The following SLC1A1 variants were observed in gnomAD, a reference collection of about 807,000 sequenced individuals.
SLC1A1 encodes excitatory amino acid transporter 3.
In SLC1A1, 43 loss-of-function variants were observed where a neutral mutation model predicts 53.3. That is an observed-to-expected ratio of 0.81 (90% CI 0.63 to 1.04). The LOEUF (loss-of-function observed/expected upper bound fraction) is 1.04, where lower values mean the gene tolerates loss of function less well. Among genes scored for constraint, SLC1A1 ranks in the 50% least tolerant of loss-of-function variants. SLC1A1 has a pLI of 0.00. For synonymous variants in SLC1A1, 307 were observed against 243.2 expected (o/e 1.26, Z -2.44); for missense variants, 748 against 664.9 (o/e 1.12, Z -1.37).
At chr9:4,511,311 T>C (rs1820990449) in intron 1 of SLC1A1, among the ~76,000 whole-genome samples, 1 of 152,162 alleles carries the variant, frequency 6.6e-6, no homozygotes, top group Non-Finnish European at 1.5e-5. Context: ...GGCTCATGAA[T>C]GATGCCTTCT....
rs1564049760 is a variant in SLC1A1, at chr9:4,566,705, AAT to A, written c.483+620_483+621del. 7.7e-4 allele frequency among the ~76,000 whole-genome samples: 118 copies of A among 152,316 alleles called. 1 individual carries two copies. The East Asian group carries it at 0.016, about 20-fold the overall frequency. ...TCTAAAAAGAAATAATTTAAAAAAAAATATAAAAAATCGTTGTATCCCCATTG... is the reference window on the plus strand; with the variant it reads ...TCTAAAAAGAAATAATTTAAAAAAAAATAAAAAATCGTTGTATCCCCATTG... On this transcript the variant is annotated intron_variant, in intron 5 of 11. Transcript: ENST00000262352.
intron 2 of SLC1A1, among the ~76,000 whole-genome samples, chr9:4,551,967 A>C (rs1031800694): frequency 5.9e-5 from 9 of 152,250 alleles, no homozygotes; most frequent in Admixed American, 5.9e-4. Flanking sequence ...TGCAAGTAAT[A>C]AAATGAATAG....
At chr9:4,499,569 T>TTG (rs1820565429) in intron 1 of SLC1A1, among the ~76,000 whole-genome samples, 1 of 117,396 alleles carries the variant, frequency 8.5e-6, no homozygotes, top group Non-Finnish European at 1.8e-5. Flanking sequence ...TATATATGAC[T>TTG]CAAGTCTATC....
At chr9:4,535,761 AGC>A (rs1178227223) in intron 1 of SLC1A1, among the ~76,000 whole-genome samples, 1 of 152,144 alleles carries the variant, frequency 6.6e-6, no homozygotes, top group Admixed American at 6.5e-5. Flanking sequence ...GTCAATCCTA[AGC>A]CAAAAGAACA....
At chr9:4,501,487 C>T (rs1349034187) in intron 1 of SLC1A1, among the ~76,000 whole-genome samples, 2 of 151,540 alleles carry the variant, frequency 1.3e-5, no homozygotes, top group Non-Finnish European at 2.9e-5. Context: ...GCACTTTGGC[C>T]AGGTACGGTG....
intron 1 of SLC1A1, among the ~76,000 whole-genome samples, chr9:4,498,047 G>A (rs1352127498): frequency 6.6e-6 from 1 of 152,192 alleles, no homozygotes; most frequent in Non-Finnish European, 1.5e-5. Flanking sequence ...TGGTATGCGT[G>A]CTGAGTAATT....
intron 1 of SLC1A1, among the ~76,000 whole-genome samples, chr9:4,514,726 G>C (rs550427781): frequency 6.6e-6 from 1 of 152,246 alleles, no homozygotes; most frequent in East Asian, 1.9e-4. Flanking sequence ...CTTTAAGCTG[G>C]AGAGTGACTC....
At chr9:4,578,947 C>G (rs1308949437) in intron 10 of SLC1A1, among the ~76,000 whole-genome samples, 1 of 152,182 alleles carries the variant, frequency 6.6e-6, no homozygotes, top group Admixed American at 6.5e-5. Context: ...TGAATCTGAA[C>G]TTTTTAGAGT....
intron 1 of SLC1A1, among the ~76,000 whole-genome samples, chr9:4,533,472 A>T (rs1349781787): frequency 1.3e-5 from 2 of 152,192 alleles, no homozygotes; most frequent in Admixed American, 1.3e-4. Context: ...AAAGAAGGCC[A>T]TTACATAATG....
rs550158818 is a variant in SLC1A1, at chr9:4,583,093, G to C, written c.1249G>C (p.Val417Leu). 1 of 1,614,244 alleles carries C rather than the reference G, an allele frequency of 6.2e-7. No homozygotes were observed. Among genetic ancestry groups the C allele is most frequent in the Non-Finnish European group, 8.5e-7 (1 of 1,180,042 alleles). Residue 417 changes from valine to leucine, a missense_variant, in exon 11 of 12, where the codon GTG becomes CTG. Transcript: ENST00000262352. The surrounding 1 kb of genome is among the most constrained non-coding windows in gnomAD (Gnocchi z 4.6). ...GAAGVPQAGL[V>L]TMVIVLSAVG... ...TGCTGGCGTGCCCCAGGCTGGCCTG[G>C]TGACCATGGTGATTGTGCTGAGTGC...
rs1586819297 is a variant in SLC1A1, at chr9:4,567,872, A to G, written c.582+105A>G. The G allele has an allele frequency of 2.4e-5, 19 of 798,710 alleles. No homozygotes were observed. In the East Asian group the frequency reaches 5.0e-4, roughly 21 times the overall value. The allele number at this position is 798,710 out of a possible 1,614,324, so 49.5% of individuals were successfully genotyped here. Reference sequence around the variant, plus strand: ...CGTCATTCACAGAATCGCATTTGCAAATTCACCTACTTGCTAAAATTTATG... The same window carrying G: ...CGTCATTCACAGAATCGCATTTGCAGATTCACCTACTTGCTAAAATTTATG... On this transcript the variant is annotated intron_variant, in intron 6 of 11. Transcript: ENST00000262352.
chr9:4,532,749 C>G (rs201733948), intron 1 of SLC1A1, among the ~76,000 whole-genome samples: 1 of 152,022 alleles, frequency 6.6e-6, no homozygotes, highest in African/African-American at 2.4e-5. Flanking sequence ...GCAACTCCAA[C>G]ACACATAATT....
intron 1 of SLC1A1, among the ~76,000 whole-genome samples, chr9:4,532,292 G>T (rs1158732801): frequency 2.0e-5 from 3 of 152,046 alleles, no homozygotes; most frequent in African/African-American, 2.4e-5. Flanking sequence ...CGAACCCAAG[G>T]CTAAGAAGTT....
At chr9:4,537,931 C>CA (rs1040300443) in intron 1 of SLC1A1, among the ~76,000 whole-genome samples, 18 of 149,680 alleles carry the variant, frequency 1.2e-4, no homozygotes, top group African/African-American at 2.0e-4. Flanking sequence ...AATTTGATCT[C>CA]AAAAAAAATT....
Position 4,576,021 on chromosome 9 carries a change from T to C in SLC1A1, c.896T>C (p.Val299Ala), listed in dbSNP as rs1408898980. The C allele has an allele frequency of 1.2e-6, 2 of 1,614,108 alleles. No homozygotes were observed. The highest frequency in any genetic ancestry group is 2.2e-5 in the East Asian group (1 of 44,884). ...VLTGLAIHSIVILPLIYFIVV... is the reference protein window; with the variant it reads ...VLTGLAIHSIAILPLIYFIVV... Reference sequence around the variant, plus strand: ...TACAGGCTTGCAATCCACTCCATTGTAATTCTCCCGCTGATATATTTCATA... The same window carrying C: ...TACAGGCTTGCAATCCACTCCATTGCAATTCTCCCGCTGATATATTTCATA... The change falls in exon 9 of 12, where the codon GTA becomes GCA. Residue 299 changes from valine (V) to alanine (A), a missense_variant. By Grantham distance (64) the Val-to-Ala change is moderately conservative (BLOSUM62 0). Coordinates refer to ENST00000262352, the MANE Select transcript of SLC1A1 (RefSeq NM_004170.6).
Position 4,562,210 on chromosome 9 carries a change from T to C in SLC1A1, c.325+669T>C, listed in dbSNP as rs1347612049. 2.0e-5 allele frequency among the ~76,000 whole-genome samples: 3 copies of C among 151,888 alleles called. No individual in the cohort carries two copies. The East Asian group carries it at 5.8e-4, about 29-fold the overall frequency. ...CCTCAGCCTCCCGAGTAGCTGGGAT[T>C]ACAGGTGCACACCACCATGCCCAGC... On this transcript the variant is annotated intron_variant, in intron 3 of 11. Coordinates refer to ENST00000262352, the MANE Select transcript of SLC1A1 (RefSeq NM_004170.6).
Position 4,490,649 on chromosome 9 carries a change from C to T in SLC1A1, c.-31C>T. The T allele has an allele frequency of 1.9e-6, 3 of 1,598,306 alleles. No homozygotes were observed. The highest frequency in any genetic ancestry group is 2.6e-6 in the Non-Finnish European group (3 of 1,167,500). On this transcript the variant is annotated 5_prime_UTR_variant, in exon 1 of 12. Transcript: ENST00000262352. ...GGTCGCCCAGCCCACGCGCGCACGG[C>T]CGAGCCCAGCGCACAATAGCGGCGA... is the stretch of plus-strand genomic sequence containing the variant.
At chr9:4,572,008 G>C (rs569986886) in intron 6 of SLC1A1, among the ~76,000 whole-genome samples, 196 bp from the exon 7 acceptor site, 1 of 152,078 alleles carries the variant, frequency 6.6e-6, no homozygotes, top group African/African-American at 2.4e-5. Flanking sequence ...TTTTAACTTC[G>C]GGGAGCAAGG....
chr9:4,584,552 T>C (rs1461607755), intron 11 of SLC1A1, among the ~76,000 whole-genome samples: 4 of 152,206 alleles, frequency 2.6e-5, no homozygotes, highest in Admixed American at 6.5e-5. Flanking sequence ...TGTGTAAGCA[T>C]TGTCAGCCTT....
Sources: allele counts gnomAD v4.1 joint callset (sites outside exome capture counted in the v4.1 genomes callset), GRCh38; gene constraint gnomAD v4.1.1; non-coding constraint Gnocchi (gnomAD v3.1); transcripts MANE v1.5; gene names NCBI Gene and HGNC (gene_info 2026-07-23, HGNC 2026-07-21).